PCDHGA9: variants seen among roughly 807,000 people sequenced by gnomAD.
PCDHGA9 encodes protocadherin gamma subfamily A, 9, also known as protocadherin gamma-A9.
A neutral mutation model predicts 62.5 loss-of-function variants in PCDHGA9; 37 were observed. That is an observed-to-expected ratio of 0.59 (90% CI 0.46 to 0.78). The LOEUF is 0.78. Among genes scored for constraint, PCDHGA9 ranks in the 30% least tolerant of loss-of-function variants. The pLI is 0.00. For missense variants in PCDHGA9, 1,138 were observed against 1,166.2 expected (o/e 0.98, Z 0.35); for synonymous variants, 459 against 484.6 (o/e 0.95, Z 0.69).
chr5:141,409,205 A>T, intron 1 of PCDHGA9: 1 of 1,614,068 alleles, frequency 6.2e-7, no homozygotes, highest in African/African-American at 1.3e-5. Context: ...TAAAGTAATC[A>T]TAGAAATCCT....
chr5:141,415,264 C>T, intron 1 of PCDHGA9: 3 of 1,614,210 alleles, frequency 1.9e-6, no homozygotes, highest in South Asian at 1.1e-5. Flanking sequence ...CACTCTGTAC[C>T]TGGTGGTAGC....
intron 2 of PCDHGA9, among the ~76,000 whole-genome samples, chr5:141,503,010 A>ATT (rs199924715): frequency 4.8e-5 from 7 of 146,772 alleles, no homozygotes; most frequent in East Asian, 2.0e-4. Context: ...TGCCCGGTTA[A>ATT]TTTTTTTTTT....
Position 141,501,290 on chromosome 5 carries a change from TACACACAC to T in PCDHGA9, c.2484-4066_2484-4059del, listed in dbSNP as rs55762287. 3.7e-3 allele frequency among the ~76,000 whole-genome samples: 499 copies of T among 136,222 alleles called. 2 individuals carry two copies. Among genetic ancestry groups the T allele is most frequent in the Middle Eastern group, 0.033 (9 of 270 alleles). 89.4% of individuals were successfully genotyped at this position (136,222 alleles called of 152,430 possible). On this transcript the variant is annotated intron_variant, in intron 2 of 3. Transcript: ENST00000573521. ...GTCCAGTCTATGGGATATTCCCTTA[TACACACAC>T]ACACACACACACACACACACACACA... is the stretch of plus-strand genomic sequence containing the variant.
rs1283688342 is a variant in PCDHGA9, at chr5:141,437,688, T to G, written c.2424+32312T>G. On this transcript the variant is annotated intron_variant, in intron 1 of 3. Transcript: ENST00000573521. ...GAGATGTTGATCAAACTGATGAGGCTAAATCTCAAGAAAGAGACACAGTTA... is the reference window on the plus strand; with the variant it reads ...GAGATGTTGATCAAACTGATGAGGCGAAATCTCAAGAAAGAGACACAGTTA... Among the ~76,000 whole-genome samples the G allele has an allele frequency of 4.0e-5, 6 of 151,890 alleles. 1 individual carries two copies. The East Asian group carries it at 1.2e-3, about 29-fold the overall frequency.
At position 141,403,240 on chromosome 5, in the gene PCDHGA9, T is replaced by A. The variant is rs948095468; in HGVS notation, c.288T>A (p.Cys96Ter). Residue 96 changes from cysteine (C) to a stop codon, truncating the protein, a stop_gained, in exon 1 of 4, where the codon TGT (cysteine) becomes TGA (stop). Transcript: ENST00000573521. LOFTEE classifies it high-confidence loss of function. The part of the protein sequence containing the change: ...TAGRIDREEL[C>*]AQSPRCLVNF... Reference sequence around the variant, plus strand: ...GTAGGATAGACCGGGAGGAGCTCTGTGCTCAGAGCCCGCGGTGTCTGGTGA... The same window carrying A: ...GTAGGATAGACCGGGAGGAGCTCTGAGCTCAGAGCCCGCGGTGTCTGGTGA... 1.2e-6 allele frequency: 2 copies of A among 1,613,926 alleles called. No individual in the cohort carries two copies. Among genetic ancestry groups the A allele is most frequent in the Admixed American group, 3.3e-5 (2 of 60,038 alleles).
rs758295115 is a variant in PCDHGA9, at chr5:141,403,395, C to T, written c.443C>T (p.Pro148Leu). 3.7e-6 allele frequency: 6 copies of T among 1,614,084 alleles called. No individual in the cohort carries two copies. The highest frequency in any genetic ancestry group is 3.3e-5 in the Admixed American group (2 of 60,038). Residue 148 changes from proline to leucine, a missense_variant, in exon 1 of 4, where the codon CCT (proline) becomes CTT (leucine). Transcript: ENST00000573521. ...LEVKINEIAV[P>L]GARYPLPEAI... is the part of the protein sequence containing the mutation. ...GTAAAAATTAACGAAATCGCGGTTC[C>T]TGGAGCACGTTATCCACTTCCAGAA...
intron 1 of PCDHGA9, among the ~76,000 whole-genome samples, chr5:141,484,092 G>A (rs1594371151): frequency 6.6e-6 from 1 of 152,102 alleles, no homozygotes; most frequent in African/African-American, 2.4e-5. Flanking sequence ...AATGGTCTTC[G>A]TTGGTAATTA....
At chr5:141,409,920 C>G in intron 1 of PCDHGA9, 1 of 1,613,400 alleles carries the variant, frequency 6.2e-7, no homozygotes, top group Non-Finnish European at 8.5e-7. Flanking sequence ...GACGGCTCCG[C>G]GTTCTTCGAT....
intron 1 of PCDHGA9, among the ~76,000 whole-genome samples, chr5:141,406,024 G>A (rs2094747494): frequency 6.6e-6 from 1 of 151,462 alleles, no homozygotes; most frequent in Admixed American, 6.6e-5. Flanking sequence ...TTTTTGGGTA[G>A]GGTTGCTTCA....
At chr5:141,421,320 G>C (rs1561793188) in intron 1 of PCDHGA9, 1 of 1,613,904 alleles carries the variant, frequency 6.2e-7, no homozygotes, top group East Asian at 2.2e-5. Flanking sequence ...GGGCCAGGCA[G>C]ATCCGATATT....
chr5:141,425,587 T>G (rs2096884432), intron 1 of PCDHGA9, among the ~76,000 whole-genome samples: 2 of 152,226 alleles, frequency 1.3e-5, no homozygotes. Flanking sequence ...CTAACTTTAT[T>G]CTGAATATGC....
chr5:141,481,260 A>C (rs2099534771), intron 1 of PCDHGA9, among the ~76,000 whole-genome samples: 1 of 152,166 alleles, frequency 6.6e-6, no homozygotes, highest in Non-Finnish European at 1.5e-5. Context: ...CTAAAAGATC[A>C]CTGTAGGAAG....
chr5:141,430,837 C>T (rs1350348914), intron 1 of PCDHGA9: 4 of 1,559,956 alleles, frequency 2.6e-6, no homozygotes, highest in South Asian at 2.5e-5. Context: ...TGTGGGAGAC[C>T]GGATGCACCC....
intron 1 of PCDHGA9, among the ~76,000 whole-genome samples, chr5:141,444,395 T>A (rs960583048): frequency 1.3e-5 from 2 of 151,996 alleles, no homozygotes; most frequent in Non-Finnish European, 2.9e-5. Context: ...AGTCTTGAAC[T>A]CCCAACCTCA....
chr5:141,408,570 T>C (rs1184307323), intron 1 of PCDHGA9: 5 of 1,613,966 alleles, frequency 3.1e-6, no homozygotes, highest in East Asian at 2.2e-5. Context: ...ATTGTGGTGA[T>C]TGAGGATGTT....
intron 1 of PCDHGA9, chr5:141,410,075 GAGGTGCGCAC>G: frequency 6.2e-7 from 1 of 1,612,898 alleles, no homozygotes; most frequent in East Asian, 2.2e-5. Context: ...GCGCACTGGG[GAGGTGCGCAC>G]GGCTCGAGCC....
chr5:141,433,220 T>A (rs781745522), intron 1 of PCDHGA9: 2 of 1,509,720 alleles, frequency 1.3e-6, no homozygotes, highest in Non-Finnish European at 1.8e-6. Flanking sequence ...TTTTTTTTTT[T>A]AATTGCTCTG....
At chr5:141,410,178 C>G in intron 1 of PCDHGA9, 2 of 1,613,890 alleles carry the variant, frequency 1.2e-6, no homozygotes, top group South Asian at 1.1e-5. Flanking sequence ...GCCACCGCCA[C>G]GCTTCATCTG....
At chr5:141,413,827 G>A (rs2154544774) in intron 1 of PCDHGA9, 1 of 1,613,200 alleles carries the variant, frequency 6.2e-7, no homozygotes. Context: ...GGTCCTCACC[G>A]CCTCCGACGG....
Sources: allele counts gnomAD v4.1 joint callset (sites outside exome capture counted in the v4.1 genomes callset), GRCh38; gene constraint gnomAD v4.1.1; transcripts MANE v1.5; gene names NCBI Gene and HGNC (gene_info 2026-07-23, HGNC 2026-07-21).